CDC42SE2: variants seen among roughly 807,000 people sequenced by gnomAD.
CDC42SE2 encodes the protein CDC42 small effector protein 2.
In CDC42SE2, 3 loss-of-function variants were observed where a neutral mutation model predicts 11.5. The ratio of observed to expected loss-of-function variants is 0.26; its 90% CI spans 0.12 to 0.67. The LOEUF (loss-of-function observed/expected upper bound fraction) is 0.67. CDC42SE2 is among the 30% of genes least tolerant of loss of function. The pLI is 0.80. For synonymous variants in CDC42SE2, 33 were observed against 34.8 expected, an observed-to-expected ratio of 0.95 and a Z score of 0.18; for missense variants, 82 against 106.8, an observed-to-expected ratio of 0.77 and a Z score of 1.02.
At chr5:131,387,804 G>A (rs1232424412) in intron 4 of CDC42SE2, among the ~76,000 whole-genome samples, 2 of 152,132 alleles carry the variant, frequency 1.3e-5, no homozygotes, top group Non-Finnish European at 2.9e-5. Flanking sequence ...CTACCTTGCT[G>A]TCTCCAGGCA....
chr5:131,280,293 C>T (rs1397852357), intron 1 of CDC42SE2, among the ~76,000 whole-genome samples: 1 of 152,108 alleles, frequency 6.6e-6, no homozygotes, highest in Non-Finnish European at 1.5e-5. Flanking sequence ...AAGTTTTAAT[C>T]CTACCACCCT....
chr5:131,289,011 C>G (rs1435138664), intron 1 of CDC42SE2, among the ~76,000 whole-genome samples: 2 of 152,094 alleles, frequency 1.3e-5, no homozygotes, highest in African/African-American at 4.8e-5. Context: ...GTTTTGGCTC[C>G]TGTATTCTAT....
At chr5:131,373,916 A>T (rs1750079083) in intron 3 of CDC42SE2, among the ~76,000 whole-genome samples, 2 of 152,198 alleles carry the variant, frequency 1.3e-5, no homozygotes. Flanking sequence ...TCCAGCAAGT[A>T]AAAGAAAAAT....
In CDC42SE2 at chr5:131,356,367, A is replaced by T. The variant is rs200695214; in HGVS notation, c.-285-2842A>T. Among the ~76,000 whole-genome samples, 19 of 152,342 alleles carry T rather than the reference A, an allele frequency of 1.2e-4. No homozygotes were observed. The South Asian group carries it at 3.9e-3, about 32-fold the overall frequency. ...GTTGAAGTTTCTTGTGAAGAATTCA[A>T]TACTTCCTTGAAGGTGTTTATATGT... On this transcript the variant is annotated intron_variant, in intron 2 of 4. Transcript: ENST00000505065.
the CDC42SE2 span, among the ~76,000 whole-genome samples, chr5:131,234,645 A>G: frequency 6.6e-6 from 1 of 151,688 alleles, no homozygotes; most frequent in Non-Finnish European, 1.5e-5. Flanking sequence ...CAAAAAAAAA[A>G]AAGAAAAAAA....
chr5:131,363,453 T>C (rs185630260), intron 3 of CDC42SE2, among the ~76,000 whole-genome samples: 6 of 152,160 alleles, frequency 3.9e-5, no homozygotes, highest in African/African-American at 1.4e-4. Flanking sequence ...CTTGGCTCAC[T>C]GCAACCTCTG....
At chr5:131,252,967 C>T (rs766184432) in intron 1 of CDC42SE2, 8 of 152,202 alleles carry the variant, frequency 5.3e-5, no homozygotes, top group Non-Finnish European at 1.0e-4. Flanking sequence ...TTCTAAACTG[C>T]GCAACTTCCT....
At chr5:131,323,071 AG>A (rs1023060287) in intron 2 of CDC42SE2, among the ~76,000 whole-genome samples, 2 of 151,964 alleles carry the variant, frequency 1.3e-5, no homozygotes. Context: ...TCTGTTGCCC[AG>A]GCTCGAGTAT....
intron 3 of CDC42SE2, among the ~76,000 whole-genome samples, chr5:131,367,788 G>C (rs531135313): frequency 6.6e-6 from 1 of 152,190 alleles, no homozygotes; most frequent in South Asian, 2.1e-4. Context: ...TTGTGCTTAA[G>C]AATTTTTTCT....
intron 2 of CDC42SE2, among the ~76,000 whole-genome samples, chr5:131,319,015 C>G (rs1758106382): frequency 6.6e-6 from 1 of 152,150 alleles, no homozygotes; most frequent in African/African-American, 2.4e-5. Flanking sequence ...GATTCTCCTG[C>G]TTCAGCCTCC....
chr5:131,249,653 A>G lies in CDC42SE2; in HGVS notation n.107+4054A>G, dbSNP rs570665394. On this transcript the variant is annotated intron_variant and non_coding_transcript_variant, in intron 1 of 3. Transcript: ENST00000502840. Reference sequence around the variant, plus strand: ...AAGTTAAAAACTCTTTGTAATTAACATCTCCTAGACAATATTAAAATTGAG... The same window carrying G: ...AAGTTAAAAACTCTTTGTAATTAACGTCTCCTAGACAATATTAAAATTGAG... Among the ~76,000 whole-genome samples, 9 of 152,358 alleles carry G rather than the reference A, an allele frequency of 5.9e-5. 1 individual carries two copies. The South Asian group carries it at 1.7e-3, about 28-fold the overall frequency.
chr5:131,277,029 C>T (rs1260099485), intron 1 of CDC42SE2, among the ~76,000 whole-genome samples: 9 of 152,116 alleles, frequency 5.9e-5, no homozygotes, highest in African/African-American at 1.9e-4. Flanking sequence ...CGTGAGCCAC[C>T]GCACTTGGCG....
intron 2 of CDC42SE2, among the ~76,000 whole-genome samples, chr5:131,331,957 CATTT>C (rs972191868): frequency 5.9e-5 from 9 of 152,020 alleles, no homozygotes; most frequent in Admixed American, 6.6e-5. Context: ...AAACCTTGAA[CATTT>C]ATTTATTTAT....
At chr5:131,360,143 G>A (rs911369147) in intron 3 of CDC42SE2, among the ~76,000 whole-genome samples, 1 of 152,052 alleles carries the variant, frequency 6.6e-6, no homozygotes, top group Non-Finnish European at 1.5e-5. Context: ...TTATTAAGAC[G>A]GAGTTTCACT....
At chr5:131,353,053 C>G (rs1294931493) in intron 2 of CDC42SE2, among the ~76,000 whole-genome samples, 1 of 152,102 alleles carries the variant, frequency 6.6e-6, no homozygotes, top group Non-Finnish European at 1.5e-5. Flanking sequence ...GCAGCCTCGA[C>G]TTCCTGGGCT....
chr5:131,381,530 C>T (rs1750326936), intron 3 of CDC42SE2, among the ~76,000 whole-genome samples: 1 of 152,116 alleles, frequency 6.6e-6, no homozygotes, highest in African/African-American at 2.4e-5. Context: ...ACTGTGTTGG[C>T]CAGGCTGGTC....
At chr5:131,285,561 T>C (rs1363811602) in intron 1 of CDC42SE2, among the ~76,000 whole-genome samples, 2 of 152,138 alleles carry the variant, frequency 1.3e-5, no homozygotes, top group African/African-American at 4.8e-5. Flanking sequence ...AGAGGAAAAA[T>C]ACAGGCAATG....
intron 1 of CDC42SE2, among the ~76,000 whole-genome samples, chr5:131,248,624 C>T (rs1029791331): frequency 1.3e-5 from 2 of 152,128 alleles, no homozygotes; most frequent in African/African-American, 2.4e-5. Flanking sequence ...AACAAGATAT[C>T]TGATGTGAAA....
At chr5:131,271,996 T>TTTTTG (rs138789202) in intron 1 of CDC42SE2, among the ~76,000 whole-genome samples, 5,134 of 151,814 alleles carry the variant, frequency 0.034, 299 homozygotes, top group African/African-American at 0.12. Flanking sequence ...TTGCTGGTTG[T>TTTTTG]TTTTGTTTTG....
Sources: allele counts gnomAD v4.1 joint callset (sites outside exome capture counted in the v4.1 genomes callset), GRCh38; gene constraint gnomAD v4.1.1; transcripts MANE v1.5; gene names NCBI Gene and HGNC (gene_info 2026-07-23, HGNC 2026-07-21).